SLC35E2B: variants seen among roughly 807,000 people sequenced by gnomAD.
SLC35E2B encodes the protein solute carrier family 35 member E2B, also known as solute carrier family 35, member E2B.
SLC35E2B carries 18 observed loss-of-function variants against 32.4 expected under a neutral mutation model. That is an observed-to-expected ratio of 0.56 (90% CI 0.38 to 0.82). The LOEUF (loss-of-function observed/expected upper bound fraction) is 0.82, where lower values mean the gene tolerates loss of function less well. Among genes scored for constraint, SLC35E2B ranks in the 40% least tolerant of loss-of-function variants. The pLI is 0.00. For synonymous variants in SLC35E2B, 132 were observed against 209.1 expected, an observed-to-expected ratio of 0.63 and a Z score of 3.18; for missense variants, 263 against 469.5, an observed-to-expected ratio of 0.56 and a Z score of 4.06.
chr1:1,673,671 A>G (rs1230628049), intron 5 of SLC35E2B, among the ~76,000 whole-genome samples: 3 of 150,900 alleles, frequency 2.0e-5, no homozygotes, highest in Admixed American at 6.6e-5. Flanking sequence ...CTCCATCTCA[A>G]AAAAAAGAGG....
chr1:1,665,870 G>A lies in SLC35E2B; in HGVS notation c.1130C>T (p.Ala377Val), dbSNP rs569938232. 2.2e-5 allele frequency: 34 copies of A among 1,550,966 alleles called. No individual in the cohort carries two copies. Among genetic ancestry groups the A allele is most frequent in the Non-Finnish European group, 2.3e-5 (26 of 1,146,992 alleles). Residue 377 changes from alanine (A) to valine (V), a missense_variant, in exon 10 of 10, where the codon GCG becomes GTG. Ala to Val is a moderately conservative substitution (Grantham distance 64). Transcript: ENST00000617444. ...YNKARQHQQEALQSLAAATGR... is the reference protein window; with the variant it reads ...YNKARQHQQEVLQSLAAATGR... Reference sequence around the variant, plus strand: ...AGTGGCTGCAGCCAGGCTCTGCAGCGCCTCCTGCTGGTGTTGCCTGGCTTT... The same window carrying A: ...AGTGGCTGCAGCCAGGCTCTGCAGCACCTCCTGCTGGTGTTGCCTGGCTTT...
At chr1:1,667,442 T>C (rs1643577483) in intron 9 of SLC35E2B, among the ~76,000 whole-genome samples, 1 of 108,394 alleles carries the variant, frequency 9.2e-6, no homozygotes, top group African/African-American at 3.8e-5. Context: ...ATAAAATACA[T>C]AAACAAATAA....
intron 2 of SLC35E2B, among the ~76,000 whole-genome samples, chr1:1,686,663 G>A (rs1056183722): frequency 1.3e-5 from 2 of 152,022 alleles, no homozygotes; most frequent in African/African-American, 4.8e-5. Context: ...CTACTCGGGA[G>A]GCTGAGGCAG....
intron 2 of SLC35E2B, among the ~76,000 whole-genome samples, chr1:1,686,285 C>A (rs1375633936): frequency 6.6e-6 from 1 of 150,498 alleles, no homozygotes; most frequent in Non-Finnish European, 1.5e-5. Context: ...TTACAGGCAT[C>A]AGCCACTGCG....
chr1:1,685,473 A>T (rs967101064), intron 2 of SLC35E2B, among the ~76,000 whole-genome samples: 1 of 151,830 alleles, frequency 6.6e-6, no homozygotes, highest in Non-Finnish European at 1.5e-5. Flanking sequence ...ACCCAAGAAT[A>T]AGGAGACTCT....
chr1:1,690,303 A>ACAAC (rs1557768865), intron 2 of SLC35E2B, among the ~76,000 whole-genome samples: 31 of 98,534 alleles, frequency 3.1e-4, no homozygotes, highest in African/African-American at 1.0e-3. Context: ...AAGAAACAAA[A>ACAAC]AAAAATATAT....
Position 1,665,767 on chromosome 1 carries a change from G to A in SLC35E2B, c.*15C>T. 6.5e-7 allele frequency: 1 copy of A among 1,548,222 alleles called. No individual in the cohort carries two copies. The highest frequency in any genetic ancestry group is 8.7e-7 in the Non-Finnish European group (1 of 1,145,230). Reference sequence around the variant, plus strand: ...CAGTGTCACGAGGACAGCAGCAGCTGGCAGCTTCCTGCTCTCAGGGATGCT... The same window carrying A: ...CAGTGTCACGAGGACAGCAGCAGCTAGCAGCTTCCTGCTCTCAGGGATGCT... On this transcript the variant is annotated 3_prime_UTR_variant, in exon 10 of 10. Coordinates refer to ENST00000617444, the MANE Select transcript of SLC35E2B (RefSeq NM_001290264.2).
At chr1:1,686,514 T>C (rs548946701) in intron 2 of SLC35E2B, among the ~76,000 whole-genome samples, 1 of 151,622 alleles carries the variant, frequency 6.6e-6, no homozygotes, top group Non-Finnish European at 1.5e-5. Context: ...CTGGGCACGG[T>C]GACTCACGCC....
chr1:1,681,532 A>G (rs1401177147), intron 2 of SLC35E2B, among the ~76,000 whole-genome samples: 1 of 148,798 alleles, frequency 6.7e-6, no homozygotes, highest in Non-Finnish European at 1.5e-5. Context: ...TTTGAGAGGG[A>G]CTCTTACTCT....
intron 2 of SLC35E2B, among the ~76,000 whole-genome samples, chr1:1,688,052 A>G (rs1330581503): frequency 6.6e-6 from 1 of 152,090 alleles, no homozygotes; most frequent in Non-Finnish European, 1.5e-5. Context: ...TCTAGGAATG[A>G]ACTCAGGGTT....
At chr1:1,678,163 A>T (rs562848105) in intron 2 of SLC35E2B, among the ~76,000 whole-genome samples, 1 of 152,200 alleles carries the variant, frequency 6.6e-6, no homozygotes, top group South Asian at 2.1e-4. Context: ...CTCCCCCGGG[A>T]AACTGGGGTT....
chr1:1,668,851 C>G (rs1643612036), intron 8 of SLC35E2B, among the ~76,000 whole-genome samples: 1 of 151,884 alleles, frequency 6.6e-6, no homozygotes, highest in Non-Finnish European at 1.5e-5. Context: ...ACTAGCCAGG[C>G]GTGGTGGTGG....
intron 2 of SLC35E2B, among the ~76,000 whole-genome samples, chr1:1,678,252 T>G (rs1643870587): frequency 6.6e-6 from 1 of 151,982 alleles, no homozygotes; most frequent in Admixed American, 6.6e-5. Flanking sequence ...AAATATTCTG[T>G]GTTCACACTG....
intron 2 of SLC35E2B, among the ~76,000 whole-genome samples, chr1:1,683,196 A>G (rs752959970): frequency 3.4e-4 from 52 of 152,150 alleles, no homozygotes; most frequent in Admixed American, 2.2e-3. Context: ...ACGTTGAGCA[A>G]TTCTCCACAG....
Position 1,671,628 on chromosome 1 carries a change from C to T in SLC35E2B, c.588G>A (p.Gly196=), listed in dbSNP as rs1218972556. Residue 196 remains glycine (G), a splice_region_variant and synonymous_variant, in exon 6 of 10, where the codon GGG becomes GGA. Transcript: ENST00000617444. ...MSRMILGEYT[G]LLVNLSLIPV... Reference sequence around the variant, plus strand: ...GGATGAGGGAGAGGTTGACCAGCAGCCCTGGCGAGAGGACAGCCCCTGTGA... The same window carrying T: ...GGATGAGGGAGAGGTTGACCAGCAGTCCTGGCGAGAGGACAGCCCCTGTGA... 1.3e-6 allele frequency: 2 copies of T among 1,541,716 alleles called. No individual in the cohort carries two copies. Among genetic ancestry groups the T allele is most frequent in the Admixed American group, 2.0e-5 (1 of 49,836 alleles).
chr1:1,672,911 G>C (rs554833422), intron 5 of SLC35E2B: 1 of 153,426 alleles, frequency 6.5e-6, no homozygotes, highest in South Asian at 2.0e-4. Context: ...ATGGTATCAA[G>C]ATTTTCTCAT....
intron 7 of SLC35E2B, 79 bp from the exon 8 acceptor site, chr1:1,669,815 C>T: frequency 1.5e-6 from 2 of 1,373,298 alleles, no homozygotes; most frequent in Non-Finnish European, 2.0e-6. Context: ...AGCAAGAACA[C>T]CCAGGCACCC....
intron 5 of SLC35E2B, chr1:1,672,881 C>T (rs889599881): frequency 7.8e-5 from 12 of 153,324 alleles, no homozygotes; most frequent in African/African-American, 2.9e-4. Context: ...ACGCCTCCCC[C>T]ACAGACTTCT....
chr1:1,671,739 A>G (rs1208944803), intron 5 of SLC35E2B, 110 bp from the exon 6 acceptor site: 1 of 1,139,188 alleles, frequency 8.8e-7, no homozygotes, highest in East Asian at 3.0e-5. Flanking sequence ...GCTTCCTTCA[A>G]TTCAAAAACA....
Sources: allele counts gnomAD v4.1 joint callset (sites outside exome capture counted in the v4.1 genomes callset), GRCh38; gene constraint gnomAD v4.1.1; transcripts MANE v1.5; gene names NCBI Gene and HGNC (gene_info 2026-07-23, HGNC 2026-07-21).